Variants in RMP64 observed in about 807,000 individuals in gnomAD.
RMP64 encodes ribonuclease MRP subunit p64, also known as nucleolus and neural progenitor protein.
chr3:113,012,702 A>G, the RMP64 span: 1 of 1,221,166 alleles, frequency 8.2e-7, no homozygotes, highest in Non-Finnish European at 1.2e-6. Flanking sequence ...GAGATGAGAA[A>G]GAAATGAAGG....
chr3:113,019,656 G>C, the RMP64 span: 1 of 1,610,654 alleles, frequency 6.2e-7, no homozygotes, highest in Non-Finnish European at 8.5e-7. Context: ...ATGCGAGGCG[G>C]GGGGACTTAC....
chr3:113,008,034 A>G, the RMP64 span: 1 of 687,750 alleles, frequency 1.5e-6, no homozygotes, highest in South Asian at 1.9e-5. Context: ...AGCAAATGCA[A>G]TTGCAGTTTG....
chr3:113,009,667 C>T, the RMP64 span: 2 of 152,182 alleles, frequency 1.3e-5, no homozygotes, highest in African/African-American at 4.8e-5. Context: ...CACTATGTGG[C>T]CTGGCAGTTT....
chr3:113,008,648 C>T, the RMP64 span: 1 of 375,054 alleles, frequency 2.7e-6, no homozygotes, highest in Non-Finnish European at 4.8e-6. Context: ...TGCTACGTAC[C>T]CACAAAACCT....
At chr3:113,008,590 T>C in the RMP64 span, 3 of 604,446 alleles carry the variant, frequency 5.0e-6, no homozygotes, top group East Asian at 2.8e-5. Context: ...GTGGTTATTA[T>C]GCACTATATG....
the RMP64 span, chr3:113,011,099 C>T: frequency 1.6e-4 from 258 of 1,612,272 alleles, no homozygotes; most frequent in Non-Finnish European, 2.0e-4. Context: ...TTATTCTGTA[C>T]ATTGATCTTC....
At chr3:113,017,779 G>C in the RMP64 span, among the ~76,000 whole-genome samples, 1 of 152,188 alleles carries the variant, frequency 6.6e-6, no homozygotes, top group Non-Finnish European at 1.5e-5. Context: ...TTGGAAAATG[G>C]TAACAGATGA....
At chr3:113,012,819 A>G in the RMP64 span, 15 of 1,555,352 alleles carry the variant, frequency 9.6e-6, no homozygotes, top group Non-Finnish European at 1.3e-5. Flanking sequence ...AAACTGGAAA[A>G]TCAATTTAAG....
chr3:113,008,061 G>T, the RMP64 span: 1 of 912,610 alleles, frequency 1.1e-6, no homozygotes, highest in Non-Finnish European at 1.7e-6. Flanking sequence ...TCCCAATTTA[G>T]CCCCGCTGCG....
chr3:113,011,367 T>A, the RMP64 span: 12 of 1,598,862 alleles, frequency 7.5e-6, no homozygotes, highest in African/African-American at 9.5e-5. Flanking sequence ...AAGGCTCATA[T>A]AACAAAATCA....
chr3:113,003,886 A>G, the RMP64 span: 1 of 152,224 alleles, frequency 6.6e-6, no homozygotes, highest in Non-Finnish European at 1.5e-5. Flanking sequence ...TTTCTGAATC[A>G]GCTAAATGAA....
chr3:113,012,982 C>T, the RMP64 span: 1 of 617,600 alleles, frequency 1.6e-6, no homozygotes, highest in Non-Finnish European at 2.8e-6. Context: ...GTTATAAACA[C>T]TCTGCTAGAG....
the RMP64 span, chr3:113,012,528 G>C: frequency 5.0e-6 from 2 of 396,674 alleles, no homozygotes; most frequent in Non-Finnish European, 8.9e-6. Flanking sequence ...TGATCTTGTG[G>C]ATTGAGATAC....
chr3:113,014,825 C>T, the RMP64 span: 34 of 152,142 alleles, frequency 2.2e-4, no homozygotes, highest in African/African-American at 8.0e-4. Flanking sequence ...TCTGCATCTT[C>T]TCTCTTTCTC....
the RMP64 span, chr3:113,013,106 G>T: frequency 1.4e-6 from 1 of 698,008 alleles, no homozygotes; most frequent in Non-Finnish European, 2.5e-6. Context: ...TCTGGCAATG[G>T]CTGCATCAGG....
the RMP64 span, among the ~76,000 whole-genome samples, chr3:113,018,735 C>T: frequency 9.1e-4 from 139 of 152,136 alleles, 1 homozygote; most frequent in Admixed American, 3.3e-3. Context: ...ATTTACCATG[C>T]CAGGCAGTGT....
the RMP64 span, chr3:113,017,551 A>T: frequency 6.2e-7 from 1 of 1,614,076 alleles, no homozygotes; most frequent in South Asian, 1.1e-5. Flanking sequence ...TTGGCTCTTC[A>T]GCGACAGTAT....
At chr3:113,017,478 G>A in the RMP64 span, 3 of 1,613,764 alleles carry the variant, frequency 1.9e-6, no homozygotes, top group South Asian at 3.3e-5. Context: ...GTTTGTGGCG[G>A]CCCATTCTGT....
At chr3:113,006,334 A>G in the RMP64 span, among the ~76,000 whole-genome samples, 1 of 152,206 alleles carries the variant, frequency 6.6e-6, no homozygotes, top group Non-Finnish European at 1.5e-5. Flanking sequence ...TCATAATGTA[A>G]TGAGTGGACA....
Sources: allele counts gnomAD v4.1 joint callset (sites outside exome capture counted in the v4.1 genomes callset), GRCh38; gene constraint gnomAD v4.1.1; transcripts MANE v1.5; gene names NCBI Gene and HGNC (gene_info 2026-07-23, HGNC 2026-07-21).